The following DMD variants were observed in gnomAD, a reference collection of about 807,000 sequenced individuals.
The protein encoded by DMD is mutant dystrophin.
Under a neutral mutation model 330.1 loss-of-function variants are expected in DMD, and 63 were observed. That is an observed-to-expected ratio of 0.19 (90% CI 0.16 to 0.24). DMD has a LOEUF of 0.24. Among genes scored for constraint, DMD ranks in the 10% least tolerant of loss-of-function variants. The pLI, the probability that DMD is intolerant of heterozygous loss-of-function variation, is 1.00. For missense variants in DMD, 3,344 were observed against 2,684.1 expected (o/e 1.25, Z -5.43); for synonymous variants, 1,223 against 959.8 (o/e 1.27, Z -5.07).
intron 41 of DMD, among the ~76,000 whole-genome samples, chrX:32,322,424 A>G (rs1202165578): frequency 1.8e-5 from 2 of 110,452 alleles, no homozygotes; most frequent in African/African-American, 6.6e-5. Context: ...TTAGCCAGTC[A>G]TGGTACTGAT....
rs755223767 is a variant in DMD, at chrX:33,010,363, C to CAT, written c.93+9774_93+9775dup. On this transcript the variant is annotated intron_variant, in intron 2 of 78. Coordinates refer to ENST00000357033, the MANE Select transcript of DMD (RefSeq NM_004006.3). ...ACATATATATGTGTGTATGTATATCCATATATATATATATACACATTTTTT... is the reference window on the plus strand; with the variant it reads ...ACATATATATGTGTGTATGTATATCCATATATATATATATATACACATTTTTT... 4.8e-3 allele frequency among the ~76,000 whole-genome samples: 502 copies of CAT among 103,645 alleles called. 4 individuals carry two copies. Among genetic ancestry groups the CAT allele is most frequent in the African/African-American group, 0.012 (347 of 28,282 alleles). 90.0% of individuals were successfully genotyped at this position (103,645 alleles called of 115,157 possible).
intron 55 of DMD, among the ~76,000 whole-genome samples, chrX:31,594,423 T>TAA (rs2077019523): frequency 9.0e-6 from 1 of 111,573 alleles, no homozygotes; most frequent in African/African-American, 3.2e-5. Context: ...GATATGTACC[T>TAA]AAGTTATTAT....
rs1569423459 is a variant in DMD at position 31,180,371 on chromosome X, G to A, written c.10085C>T (p.Pro3362Leu). ...ACGTCAGGCTGGCGTCAAACTTACC[G>A]GAGTGCAATATTCCACCATGGGATA... ...MHYPMVEYCT[P>L]TTSGEDVRDF... is the part of the protein sequence containing the mutation. Residue 3362 changes from proline (P) to leucine (L), a missense_variant and splice_region_variant, in exon 69 of 79, where the codon CCG becomes CTG. Pro to Leu is a moderately conservative substitution (Grantham distance 98). Transcript: ENST00000357033. 3 of 1,184,748 alleles carry A rather than the reference G, an allele frequency of 2.5e-6. No homozygotes were observed. The highest frequency in any genetic ancestry group is 2.3e-6 in the Non-Finnish European group (2 of 871,227).
At chrX:32,897,518 A>G (rs1480186212) in intron 2 of DMD, among the ~76,000 whole-genome samples, 1 of 111,887 alleles carries the variant, frequency 8.9e-6, no homozygotes, top group Non-Finnish European at 1.9e-5. Context: ...GTTCAATCCA[A>G]ATTATCCATT....
At chrX:32,854,608 G>C (rs1286459333) in intron 2 of DMD, among the ~76,000 whole-genome samples, 1 of 103,223 alleles carries the variant, frequency 9.7e-6, no homozygotes, top group Non-Finnish European at 2.0e-5. Flanking sequence ...ACATCTTAAA[G>C]AACTAGAATA....
intron 9 of DMD, among the ~76,000 whole-genome samples, chrX:32,651,162 G>A (rs2060127226): frequency 9.1e-6 from 1 of 109,345 alleles, no homozygotes; most frequent in African/African-American, 3.3e-5. Flanking sequence ...GTTTTTTTGA[G>A]ATTGAGTATT....
chrX:31,269,053 C>T (rs1008024712), intron 62 of DMD, among the ~76,000 whole-genome samples: 7 of 111,766 alleles, frequency 6.3e-5, no homozygotes, highest in African/African-American at 1.6e-4. Flanking sequence ...CTCAAAAATA[C>T]ATCTTTAAGT....
chrX:31,764,264 G>GC (rs781676608), intron 51 of DMD, among the ~76,000 whole-genome samples: 1 of 110,952 alleles, frequency 9.0e-6, no homozygotes, highest in Non-Finnish European at 1.9e-5. Flanking sequence ...ACTGATCTTT[G>GC]CCCCCAGTAA....
At chrX:31,767,215 C>T in intron 51 of DMD, among the ~76,000 whole-genome samples, 1 of 111,484 alleles carries the variant, frequency 9.0e-6, no homozygotes, top group South Asian at 3.8e-4. Context: ...ATTTCTTAAA[C>T]AAGTTTGTGC....
At chrX:33,105,299 G>A (rs1008788284) in intron 1 of DMD, among the ~76,000 whole-genome samples, 1 of 111,626 alleles carries the variant, frequency 9.0e-6, no homozygotes, top group African/African-American at 3.3e-5. Context: ...AAAGACTTAA[G>A]TCTAAGACCT....
intron 19 of DMD, among the ~76,000 whole-genome samples, chrX:32,499,583 C>T (rs980385531): frequency 8.1e-5 from 9 of 111,462 alleles, no homozygotes; most frequent in African/African-American, 1.3e-4. Flanking sequence ...ATGTGTCTTA[C>T]GTGGTTGTGA....
chrX:32,222,466 GATCA>G (rs1343917418), intron 43 of DMD, among the ~76,000 whole-genome samples: 6 of 111,857 alleles, frequency 5.4e-5, no homozygotes, highest in Non-Finnish European at 1.1e-4. Context: ...AAATATAAAA[GATCA>G]ATGAAACAAA....
At chrX:33,236,482 C>A (rs1332890521) in intron 1 of DMD, among the ~76,000 whole-genome samples, 1 of 109,219 alleles carries the variant, frequency 9.2e-6, no homozygotes, top group Non-Finnish European at 1.9e-5. Flanking sequence ...CCAGGCTGGT[C>A]TTGAACTCCT....
rs1015788521 is a variant in DMD at position 33,176,662 on chromosome X, G to A, written c.31+34620C>T. Among the ~76,000 whole-genome samples, 4 of 110,617 alleles carry A rather than the reference G, an allele frequency of 3.6e-5. No homozygotes were observed. The Admixed American group carries it at 3.9e-4, about 11-fold the overall frequency. On this transcript the variant is annotated intron_variant, in intron 1 of 78. Coordinates refer to ENST00000357033, the MANE Select transcript of DMD (RefSeq NM_004006.3). ...GGATGAAAATTAGAATAGGCCAGGC[G>A]CAGTGGCTCACGCCTGTAATCCCAG...
rs974271827 is a variant in DMD at position 32,411,795 on chromosome X, A to G, written c.4190T>C (p.Ile1397Thr). The G allele has an allele frequency of 8.3e-7, 1 of 1,211,592 alleles. No homozygotes were observed. Among genetic ancestry groups the G allele is most frequent in the Non-Finnish European group, 1.1e-6 (1 of 895,400 alleles). Reference sequence around the variant, plus strand: ...TTGAGCTGCGTCCACCTTGTCTGCAATATAAGCTGCCAACTGCTTGTCAAT... The same window carrying G: ...TTGAGCTGCGTCCACCTTGTCTGCAGTATAAGCTGCCAACTGCTTGTCAAT... ...TFIDKQLAAY[I>T]ADKVDAAQMP... Residue 1397 changes from isoleucine (I) to threonine (T), a missense_variant, in exon 30 of 79, where the codon ATT becomes ACT. Ile to Thr is a moderately conservative substitution (Grantham distance 89). Coordinates refer to ENST00000357033, the MANE Select transcript of DMD (RefSeq NM_004006.3).
chrX:32,389,373 T>G, intron 32 of DMD, 128 bp downstream of exon 32: 2 of 791,656 alleles, frequency 2.5e-6, no homozygotes, highest in Non-Finnish European at 3.7e-6. Flanking sequence ...ATTTTTGTTC[T>G]CAATCTTAAA....
chrX:32,746,446 G>A (rs2070021611), intron 7 of DMD, among the ~76,000 whole-genome samples: 1 of 111,915 alleles, frequency 8.9e-6, no homozygotes, highest in Non-Finnish European at 1.9e-5. Context: ...TCAAAGTGTG[G>A]ATCCAGACCA....
intron 44 of DMD, among the ~76,000 whole-genome samples, chrX:32,165,312 C>T (rs1252532699): frequency 1.8e-5 from 2 of 112,569 alleles, no homozygotes; most frequent in African/African-American, 6.5e-5. Context: ...TGGAGCTTAC[C>T]AAGACCATGG....
At chrX:32,079,669 G>T (rs747657089) in intron 44 of DMD, among the ~76,000 whole-genome samples, 3 of 110,878 alleles carry the variant, frequency 2.7e-5, no homozygotes, top group Non-Finnish European at 5.7e-5. Context: ...GAAAAAAAAA[G>T]AAAAAAATGT....
Sources: gnomAD v4.1 joint callset for allele counts (sites outside exome capture counted in the v4.1 genomes callset) on GRCh38, gnomAD v4.1.1 for gene constraint, MANE v1.5 for transcripts, NCBI Gene and HGNC (gene_info 2026-07-23, HGNC 2026-07-21) for gene names.